PARVA: variants seen among roughly 807,000 people sequenced by gnomAD.
The protein encoded by PARVA is parvin alpha, also known as alpha-parvin.
Under a neutral mutation model 52.6 loss-of-function variants are expected in PARVA, and 25 were observed. The ratio of observed to expected loss-of-function variants is 0.48; its 90% confidence interval spans 0.35 to 0.66. The LOEUF (loss-of-function observed/expected upper bound fraction) is 0.66, where lower values mean the gene tolerates loss of function less well. Among genes scored for constraint, PARVA ranks in the 30% least tolerant of loss-of-function variants. The probability of loss-of-function intolerance (pLI) is 0.01; values close to 1 mark genes in which losing one functional copy is unlikely to be tolerated. For synonymous variants in PARVA, 185 were observed against 179.1 expected, an observed-to-expected ratio of 1.03 and a Z score of -0.26; for missense variants, 373 against 450.9, an observed-to-expected ratio of 0.83 and a Z score of 1.56.
intron 1 of PARVA, among the ~76,000 whole-genome samples, chr11:12,414,920 G>A (rs1405609974): frequency 6.6e-6 from 1 of 152,112 alleles, no homozygotes; most frequent in Non-Finnish European, 1.5e-5. Flanking sequence ...CTTTGGGGAG[G>A]TGAAGACATC....
At chr11:12,519,486 A>G (rs2135085077) in intron 12 of PARVA, among the ~76,000 whole-genome samples, 1 of 152,318 alleles carries the variant, frequency 6.6e-6, no homozygotes, top group African/African-American at 2.4e-5. Context: ...GCAAAATGAA[A>G]TGACAGTCAT....
chr11:12,381,216 G>A (rs928461531), intron 1 of PARVA, among the ~76,000 whole-genome samples: 1 of 152,088 alleles, frequency 6.6e-6, no homozygotes, highest in Admixed American at 6.5e-5. Flanking sequence ...TGGTTAGTAG[G>A]TGTGGGGCCC....
chr11:12,525,493 T>G (rs11022383), intron 12 of PARVA, among the ~76,000 whole-genome samples: 41,960 of 151,752 alleles, frequency 0.28, 5,999 homozygotes, highest in East Asian at 0.52. Context: ...CTTGGCAAGC[T>G]CACCTTTGCC....
chr11:12,505,513 C>A (rs1026802701), intron 6 of PARVA, among the ~76,000 whole-genome samples: 2 of 152,170 alleles, frequency 1.3e-5, no homozygotes, highest in African/African-American at 4.8e-5. Flanking sequence ...CTCCACTAAG[C>A]ATTAAGAAGG....
At chr11:12,479,908 A>G (rs546965690) in intron 4 of PARVA, 11 of 152,352 alleles carry the variant, frequency 7.2e-5, no homozygotes, top group Admixed American at 5.2e-4. Context: ...GTTGTCTAGC[A>G]TATGTTGCCT....
chr11:12,487,049 T>A (rs1207432783), intron 4 of PARVA, among the ~76,000 whole-genome samples: 3 of 152,114 alleles, frequency 2.0e-5, no homozygotes, highest in Non-Finnish European at 4.4e-5. Flanking sequence ...CAGCAGAGCA[T>A]CTCCTCATGA....
intron 4 of PARVA, among the ~76,000 whole-genome samples, chr11:12,483,135 C>T (rs1019227304): frequency 1.3e-5 from 2 of 152,226 alleles, no homozygotes; most frequent in Non-Finnish European, 2.9e-5. Context: ...AATCACCCTT[C>T]TCACAGGCCC....
In PARVA at chr11:12,500,159, A is replaced by G. The variant is rs117309940; in HGVS notation, c.541+3561A>G. 6.3e-4 allele frequency among the ~76,000 whole-genome samples: 96 copies of G among 152,288 alleles called. 3 individuals are homozygous for G. The East Asian group carries it at 0.017, about 28-fold the overall frequency. On this transcript the variant is annotated intron_variant, in intron 5 of 12. Transcript: ENST00000334956. ...AATTACCTCCAGAAAAATTACACCA[A>G]TTTCTGTTTCCACCACAGGACGTGT...
chr11:12,462,557 T>C (rs1940797709), intron 1 of PARVA, among the ~76,000 whole-genome samples: 1 of 152,234 alleles, frequency 6.6e-6, no homozygotes, highest in Admixed American at 6.5e-5. Context: ...GAGACCCATG[T>C]TGGTCTTCTA....
chr11:12,499,745 T>C (rs1384418632), intron 5 of PARVA, among the ~76,000 whole-genome samples: 2 of 152,136 alleles, frequency 1.3e-5, no homozygotes, highest in Non-Finnish European at 2.9e-5. Context: ...ACCGTGAACA[T>C]TGTGCTGTGT....
At chr11:12,379,907 C>T (rs76587230) in intron 1 of PARVA, among the ~76,000 whole-genome samples, 2,391 of 152,282 alleles carry the variant, frequency 0.016, 52 homozygotes, top group African/African-American at 0.054. Context: ...TAGTCTCATC[C>T]AGTTTAAGAT....
At chr11:12,439,401 G>A (rs1033039370) in intron 1 of PARVA, among the ~76,000 whole-genome samples, 9 of 152,176 alleles carry the variant, frequency 5.9e-5, no homozygotes, top group Non-Finnish European at 8.8e-5. Flanking sequence ...GACTCTGCCC[G>A]TTTGATTCAG....
intron 1 of PARVA, among the ~76,000 whole-genome samples, chr11:12,417,972 A>T (rs1314618847): frequency 6.6e-6 from 1 of 152,230 alleles, no homozygotes; most frequent in Admixed American, 6.5e-5. Context: ...GCTGATGCAG[A>T]GTGCCTGTAG....
At chr11:12,420,469 A>G (rs1282338431) in intron 1 of PARVA, among the ~76,000 whole-genome samples, 1 of 152,220 alleles carries the variant, frequency 6.6e-6, no homozygotes, top group Non-Finnish European at 1.5e-5. Context: ...GATCTAGAAC[A>G]GAGGGACAGT....
chr11:12,402,404 G>A (rs1939840895), intron 1 of PARVA, among the ~76,000 whole-genome samples: 1 of 152,234 alleles, frequency 6.6e-6, no homozygotes, highest in South Asian at 2.1e-4. Context: ...GAGTGGATCT[G>A]GAGGGGCAAG....
chr11:12,443,169 CTT>C lies in PARVA; in HGVS notation c.137-30556_137-30555del, dbSNP rs1180380526. On this transcript the variant is annotated intron_variant, in intron 1 of 12. Coordinates refer to ENST00000334956, the MANE Select transcript of PARVA (RefSeq NM_018222.5). ...AGCCACCATGCCCGGCGCCCCCCTT[CTT>C]TTTTTTTTTTTTTTTTTTTGAGATG... is the stretch of plus-strand genomic sequence containing the variant. 2.0e-3 allele frequency among the ~76,000 whole-genome samples: 158 copies of C among 78,322 alleles called. 2 individuals carry two copies. The highest frequency in any genetic ancestry group is 7.3e-3 in the African/African-American group (145 of 19,962). The allele number at this position is 78,322 out of a possible 152,430, so 51.4% of individuals were successfully genotyped here.
At chr11:12,429,000 C>G (rs907774653) in intron 1 of PARVA, among the ~76,000 whole-genome samples, 1 of 152,050 alleles carries the variant, frequency 6.6e-6, no homozygotes, top group African/African-American at 2.4e-5. Flanking sequence ...TTGTTTGAGA[C>G]ACAGTCTCTC....
At chr11:12,421,796 A>G (rs974517006) in intron 1 of PARVA, among the ~76,000 whole-genome samples, 1 of 152,250 alleles carries the variant, frequency 6.6e-6, no homozygotes, top group Non-Finnish European at 1.5e-5. Context: ...TAAAAGGAAA[A>G]GCCAAAAGGA....
intron 5 of PARVA, 128 bp from the exon 6 acceptor site, chr11:12,504,186 C>T (rs1589983278): frequency 1.6e-6 from 1 of 633,844 alleles, no homozygotes; most frequent in Middle Eastern, 2.7e-4. Context: ...TACATTTCAG[C>T]ATGAGATTTG....
Sources: allele counts gnomAD v4.1 joint callset (sites outside exome capture counted in the v4.1 genomes callset), GRCh38; gene constraint gnomAD v4.1.1; transcripts MANE v1.5; gene names NCBI Gene and HGNC (gene_info 2026-07-23, HGNC 2026-07-21).